TFF2: variants seen among roughly 807,000 people sequenced by gnomAD.
TFF2 encodes the protein trefoil factor 2.
TFF2 carries 19 observed loss-of-function variants against 16.0 expected under a neutral mutation model. The observed-to-expected ratio is 1.19, with a 90% CI of 0.83 to 1.74. TFF2 has a LOEUF of 1.74. Ranked by LOEUF, TFF2 falls within the 40% of genes most tolerant of loss-of-function variation. The probability of loss-of-function intolerance (pLI) is 0.00; values close to 1 mark genes in which losing one functional copy is unlikely to be tolerated. For synonymous variants in TFF2, 61 were observed against 65.4 expected (o/e 0.93, Z 0.32); for missense variants, 168 against 166.8 (o/e 1.01, Z -0.04).
In TFF2 at chr21:42,350,965, T is replaced by C. The variant is rs900340066; in HGVS notation, c.-8A>G. The C allele has an allele frequency of 6.2e-7, 1 of 1,613,466 alleles. No homozygotes were observed. Among genetic ancestry groups the C allele is most frequent in the Non-Finnish European group, 8.5e-7 (1 of 1,179,778 alleles). On this transcript the variant is annotated 5_prime_UTR_variant, in exon 1 of 4. Transcript: ENST00000291526. ...GGCGTCTCGCCGTCCCATGTCTAGCTCAGCTGCACCCCAGGGTGGCTTGCA... is the reference window on the plus strand; with the variant it reads ...GGCGTCTCGCCGTCCCATGTCTAGCCCAGCTGCACCCCAGGGTGGCTTGCA...
intron 3 of TFF2, among the ~76,000 whole-genome samples, chr21:42,346,981 A>G (rs1315543337): frequency 6.6e-6 from 1 of 152,172 alleles, no homozygotes; most frequent in African/African-American, 2.4e-5. Context: ...GGGTGGGAGA[A>G]GTGGACCCGT....
chr21:42,346,735 G>T (rs925294669), intron 3 of TFF2, among the ~76,000 whole-genome samples, 189 bp from the exon 4 acceptor site: 10 of 152,188 alleles, frequency 6.6e-5, no homozygotes, highest in African/African-American at 2.2e-4. Flanking sequence ...TCTGTGGGGC[G>T]CATTCTCCCC....
chr21:42,349,765 C>T (rs1423335227), intron 2 of TFF2, 116 bp downstream of exon 2: 3 of 1,099,766 alleles, frequency 2.7e-6, no homozygotes, highest in Non-Finnish European at 3.8e-6. Flanking sequence ...CTAACCCACC[C>T]AGGCTAACCC....
chr21:42,346,786 A>T (rs968944332), intron 3 of TFF2, among the ~76,000 whole-genome samples: 2 of 144,140 alleles, frequency 1.4e-5, no homozygotes, highest in African/African-American at 5.2e-5. Context: ...TAGGTCACAT[A>T]AAAAAAATCA....
At chr21:42,350,681 C>A (rs7282272) in intron 1 of TFF2, among the ~76,000 whole-genome samples, 198 bp downstream of exon 1, 17 of 152,306 alleles carry the variant, frequency 1.1e-4, no homozygotes, top group Admixed American at 9.1e-4. Context: ...TGACACCTGC[C>A]GTCACTCAGC....
In TFF2 at chr21:42,346,547, C is replaced by A; in HGVS notation, c.377-1G>T. 1.9e-6 allele frequency: 3 copies of A among 1,598,284 alleles called. No individual in the cohort carries two copies. The highest frequency in any genetic ancestry group is 2.6e-6 in the Non-Finnish European group (3 of 1,175,786). On this transcript the variant is annotated splice_acceptor_variant, in intron 3 of 3. Transcript: ENST00000291526. LOFTEE classifies it high-confidence loss of function. ...ACCAGCCTCTCTTAGTAATGGCAGT[C>A]TAGAAGTTTAAATGCAAGATGGTTG...
rs112093838 is a variant in TFF2 at position 42,350,275 on chromosome 21, C to A, written c.80-245G>T. 618 of 1,006,218 alleles carry A rather than the reference C, an allele frequency of 6.1e-4. 4 individuals are homozygous for A. The African/African-American group carries it at 9.7e-3, about 16-fold the overall frequency. 62.3% of individuals were successfully genotyped at this position (1,006,218 alleles called of 1,614,324 possible). A position where few individuals can be genotyped will look rare whatever the true frequency, so the allele number is the denominator to read the frequency against. On this transcript the variant is annotated intron_variant, in intron 1 of 3. Transcript: ENST00000291526. ...GGCATGGTGGCTCATACCTATAATCCCAGCACTTTAGGAAGCCGAGGCGGG... is the reference window on the plus strand; with the variant it reads ...GGCATGGTGGCTCATACCTATAATCACAGCACTTTAGGAAGCCGAGGCGGG...
At chr21:42,349,542 T>A (rs563923958) in intron 2 of TFF2, among the ~76,000 whole-genome samples, 1 of 123,804 alleles carries the variant, frequency 8.1e-6, no homozygotes, top group African/African-American at 2.9e-5. Context: ...CAACCTGGGC[T>A]ACTAGCCCCA....
chr21:42,347,376 C>T, intron 3 of TFF2, 110 bp downstream of exon 3: 2 of 1,467,312 alleles, frequency 1.4e-6, no homozygotes, highest in Non-Finnish European at 9.4e-7. Context: ...GCCCTGGCCT[C>T]GATGGCACTG....
Position 42,346,424 on chromosome 21 carries a change from G to T in TFF2, c.*109C>A. 2 of 1,360,408 alleles carry T rather than the reference G, an allele frequency of 1.5e-6. No individual in the cohort carries two copies. The highest frequency in any genetic ancestry group is 2.1e-6 in the Non-Finnish European group (2 of 959,500). 84.3% of individuals were successfully genotyped at this position (1,360,408 alleles called of 1,614,324 possible). ...AAACCATTGAAAATGAGGAAAAGAT[G>T]GTTAAGAAAACCCAGGATTTCATGA... On this transcript the variant is annotated 3_prime_UTR_variant, in exon 4 of 4. Coordinates refer to ENST00000291526, the MANE Select transcript of TFF2 (RefSeq NM_005423.5).
intron 3 of TFF2, 120 bp from the exon 4 acceptor site, chr21:42,346,666 C>A: frequency 3.4e-6 from 4 of 1,161,592 alleles, no homozygotes; most frequent in Non-Finnish European, 4.8e-6. Context: ...AGAAGGAGCT[C>A]CTTTCCCGGG....
chr21:42,350,094 A>C, intron 1 of TFF2, 64 bp from the exon 2 acceptor site: 1 of 1,533,754 alleles, frequency 6.5e-7, no homozygotes, highest in Admixed American at 1.9e-5. Context: ...CTTCTCTCAG[A>C]GGTTCTAGGG....
At chr21:42,350,489 C>G in intron 1 of TFF2, 1 of 199,816 alleles carries the variant, frequency 5.0e-6, no homozygotes, top group Non-Finnish European at 1.0e-5. Context: ...GCCAAGATCA[C>G]ACCACTGCAC....
chr21:42,349,860 G>T, intron 2 of TFF2, 21 bp downstream of exon 2: 2 of 1,576,854 alleles, frequency 1.3e-6, no homozygotes, highest in Non-Finnish European at 1.7e-6. Flanking sequence ...GCTGGCCCAG[G>T]AAGATTCCCT....
At chr21:42,347,803 C>T (rs2146393025) in intron 2 of TFF2, among the ~76,000 whole-genome samples, 171 bp from the exon 3 acceptor site, 1 of 152,030 alleles carries the variant, frequency 6.6e-6, no homozygotes, top group East Asian at 1.9e-4. Flanking sequence ...GTGGAAGTGT[C>T]GGCCCCTGGG....
Position 42,350,826 on chromosome 21 carries a change from T to C in TFF2, c.79+53A>G, listed in dbSNP as rs540732827. ...TTAATTTATGGTTGTGCTTTTTTTT[T>C]TTCTTTAAGAGAAATAAAGAAAGCA... is the stretch of plus-strand genomic sequence containing the variant. On this transcript the variant is annotated intron_variant, in intron 1 of 3. Transcript: ENST00000291526. 5.8e-6 allele frequency: 9 copies of C among 1,542,124 alleles called. No individual in the cohort carries two copies. The Middle Eastern group carries it at 7.0e-4, about 121-fold the overall frequency.
intron 1 of TFF2, 96 bp from the exon 2 acceptor site, chr21:42,350,126 C>A: frequency 6.9e-7 from 1 of 1,442,288 alleles, no homozygotes; most frequent in South Asian, 1.4e-5. Context: ...TGTCTTGTTG[C>A]CACATAGAGA....
intron 3 of TFF2, among the ~76,000 whole-genome samples, chr21:42,347,274 T>G (rs2052075988): frequency 6.6e-6 from 1 of 152,224 alleles, no homozygotes; most frequent in South Asian, 2.1e-4. Flanking sequence ...GATGACGCAG[T>G]GGCAATGCTG....
At position 42,350,786 on chromosome 21, in the gene TFF2, A is replaced by G. The variant is rs575876100; in HGVS notation, c.79+93T>C. 2.0e-5 allele frequency: 27 copies of G among 1,339,976 alleles called. No individual in the cohort carries two copies. In the African/African-American group the frequency reaches 3.5e-4, roughly 17 times the overall value. 83.0% of individuals were successfully genotyped at this position (1,339,976 alleles called of 1,614,324 possible). On this transcript the variant is annotated intron_variant, in intron 1 of 3. Transcript: ENST00000291526. ...CACATTGCCAGATGCCTTTATAGCC[A>G]TTCCCCCTCTCAAGTTAATTTATGG...
Sources: allele counts gnomAD v4.1 joint callset (sites outside exome capture counted in the v4.1 genomes callset), GRCh38; gene constraint gnomAD v4.1.1; transcripts MANE v1.5; gene names NCBI Gene and HGNC (gene_info 2026-07-23, HGNC 2026-07-21).